The following MCCC2 variants were observed in gnomAD, a reference collection of about 807,000 sequenced individuals.
MCCC2 encodes methylcrotonyl-CoA carboxylase subunit 2, also known as methylcrotonoyl-CoA carboxylase beta chain, mitochondrial.
MCCC2 carries 52 observed loss-of-function variants against 77.2 expected under a neutral mutation model. The ratio of observed to expected loss-of-function variants is 0.67; its 90% CI spans 0.54 to 0.85. MCCC2 has a LOEUF of 0.85. Ranked by LOEUF, MCCC2 falls within the 40% of genes least tolerant of loss-of-function variation. The pLI is 0.00. For missense variants in MCCC2, 682 were observed against 703.2 expected, an observed-to-expected ratio of 0.97 and a Z score of 0.34; for synonymous variants, 253 against 248.4, an observed-to-expected ratio of 1.02 and a Z score of -0.18.
At chr5:71,637,943 A>T (rs570856405) in intron 10 of MCCC2, among the ~76,000 whole-genome samples, 1 of 152,054 alleles carries the variant, frequency 6.6e-6, no homozygotes, top group Admixed American at 6.5e-5. Flanking sequence ...TGATCTCCGG[A>T]CTTCATGATC....
intron 6 of MCCC2, among the ~76,000 whole-genome samples, chr5:71,616,854 C>G (rs277952): frequency 6.6e-6 from 1 of 151,936 alleles, no homozygotes; most frequent in African/African-American, 2.4e-5. Flanking sequence ...TGGTTTCACC[C>G]TTGGGCAGTT....
intron 8 of MCCC2, among the ~76,000 whole-genome samples, chr5:71,633,436 T>A (rs1453113269): frequency 6.6e-6 from 1 of 152,006 alleles, no homozygotes; most frequent in Non-Finnish European, 1.5e-5. Context: ...AAGTGAAAAT[T>A]GTGAATAGTG....
At chr5:71,638,130 C>T (rs1746993861) in intron 10 of MCCC2, among the ~76,000 whole-genome samples, 1 of 152,210 alleles carries the variant, frequency 6.6e-6, no homozygotes, top group Admixed American at 6.5e-5. Context: ...AGCATCTTCA[C>T]CAGGAGTACA....
intron 7 of MCCC2, among the ~76,000 whole-genome samples, chr5:71,628,874 G>C (rs1263937926): frequency 6.6e-6 from 1 of 152,138 alleles, no homozygotes; most frequent in Non-Finnish European, 1.5e-5. Context: ...TTAAAATGTA[G>C]AGGAGAGGAA....
chr5:71,616,533 G>A (rs913240309), intron 6 of MCCC2, among the ~76,000 whole-genome samples: 37 of 152,194 alleles, frequency 2.4e-4, no homozygotes, highest in African/African-American at 8.2e-4. Flanking sequence ...TTGAGTGACT[G>A]TGTCAGACAG....
intron 6 of MCCC2, among the ~76,000 whole-genome samples, chr5:71,614,917 C>T (rs1746113020): frequency 6.6e-6 from 1 of 152,084 alleles, no homozygotes; most frequent in East Asian, 1.9e-4. Context: ...AGATAAAGAC[C>T]TTTTCTAGCT....
intron 6 of MCCC2, among the ~76,000 whole-genome samples, chr5:71,604,688 G>A (rs990440492): frequency 3.3e-5 from 5 of 151,450 alleles, no homozygotes; most frequent in South Asian, 2.1e-4. Context: ...CCACTAAATC[G>A]TCATCTAGCA....
intron 6 of MCCC2, among the ~76,000 whole-genome samples, chr5:71,605,712 G>C (rs1254754407): frequency 6.6e-6 from 1 of 151,896 alleles, no homozygotes; most frequent in Non-Finnish European, 1.5e-5. Context: ...ATGGTTTTTG[G>C]TCTAATGTTT....
At chr5:71,654,090 C>T (rs758826672) in intron 16 of MCCC2, among the ~76,000 whole-genome samples, 5 of 152,094 alleles carry the variant, frequency 3.3e-5, no homozygotes, top group South Asian at 2.1e-4. Flanking sequence ...CTCTGCCTCC[C>T]GGACTCAAGC....
intron 16 of MCCC2, among the ~76,000 whole-genome samples, chr5:71,655,507 C>G (rs1747554060): frequency 6.6e-6 from 1 of 152,212 alleles, no homozygotes; most frequent in Non-Finnish European, 1.5e-5. Flanking sequence ...GCCCCTTCAT[C>G]ACCATGCTTG....
chr5:71,644,070 T>TGTGC (rs1554138111), intron 12 of MCCC2, among the ~76,000 whole-genome samples, 175 bp downstream of exon 12: 9 of 55,646 alleles, frequency 1.6e-4, no homozygotes, highest in African/African-American at 4.5e-4. Flanking sequence ...TGTGTGTGTG[T>TGTGC]GCGCGCGTGT....
chr5:71,627,031 C>G lies in MCCC2; in HGVS notation c.738+278C>G, dbSNP rs575143634. 3.6e-4 allele frequency among the ~76,000 whole-genome samples: 55 copies of G among 152,276 alleles called. 1 individual carries two copies. Among genetic ancestry groups the G allele is most frequent in the African/African-American group, 1.2e-3 (50 of 41,568 alleles). On this transcript the variant is annotated intron_variant, in intron 7 of 16. Transcript: ENST00000340941. ...CTGCCACCTCGGCACCACCATTCTA[C>G]TTTCTGTCCTTATGAATTTGACTAT...
At chr5:71,614,279 G>A (rs1746077269) in intron 6 of MCCC2, among the ~76,000 whole-genome samples, 1 of 151,994 alleles carries the variant, frequency 6.6e-6, no homozygotes, top group East Asian at 1.9e-4. Context: ...ACCTAAACCC[G>A]TCATTTATGA....
chr5:71,629,111 C>T (rs1178333568), intron 7 of MCCC2, among the ~76,000 whole-genome samples: 1 of 151,312 alleles, frequency 6.6e-6, no homozygotes, highest in Admixed American at 6.6e-5. Context: ...GAGGCTGAGG[C>T]AGGGGAATTG....
At chr5:71,609,235 A>G (rs555900018) in intron 6 of MCCC2, among the ~76,000 whole-genome samples, 1 of 150,072 alleles carries the variant, frequency 6.7e-6, no homozygotes, top group East Asian at 2.0e-4. Context: ...CTTTTCACAT[A>G]GTCCCATATT....
intron 2 of MCCC2, among the ~76,000 whole-genome samples, chr5:71,595,534 A>G (rs2112290337): frequency 6.6e-6 from 1 of 152,274 alleles, no homozygotes; most frequent in East Asian, 1.9e-4. Flanking sequence ...ATTTCATTAG[A>G]CAAAGACTAT....
chr5:71,601,213 G>C (rs1490733595), intron 4 of MCCC2, among the ~76,000 whole-genome samples: 1 of 152,198 alleles, frequency 6.6e-6, no homozygotes, highest in African/African-American at 2.4e-5. Flanking sequence ...TAGACAAGCA[G>C]ATATGGCTAT....
chr5:71,595,290 G>A (rs758779255), intron 2 of MCCC2, among the ~76,000 whole-genome samples: 2 of 147,414 alleles, frequency 1.4e-5, no homozygotes, highest in African/African-American at 2.5e-5. Flanking sequence ...TTTAGCTGGA[G>A]TGGTGGCACA....
Position 71,634,881 on chromosome 5 carries a change from C to T in MCCC2, c.804-62C>T, listed in dbSNP as rs2112437136. ...TTAGATGAGAGAAGATACTTGGGAC[C>T]TGAGATATTTAATTATTTTCCTTTT... is the stretch of plus-strand genomic sequence containing the variant. On this transcript the variant is annotated intron_variant, in intron 8 of 16. Transcript: ENST00000340941. 2.8e-6 allele frequency: 4 copies of T among 1,425,086 alleles called. No homozygotes were observed. The South Asian group carries it at 4.6e-5, about 16-fold the overall frequency. The allele number at this position is 1,425,086 out of a possible 1,614,324, so 88.3% of individuals were successfully genotyped here.
Sources: allele counts gnomAD v4.1 joint callset (sites outside exome capture counted in the v4.1 genomes callset), GRCh38; gene constraint gnomAD v4.1.1; transcripts MANE v1.5; gene names NCBI Gene and HGNC (gene_info 2026-07-23, HGNC 2026-07-21).